ZNF101: variants seen among roughly 807,000 people sequenced by gnomAD.
ZNF101 encodes zinc finger protein 101 (Y2).
Under a neutral mutation model 42.6 loss-of-function variants are expected in ZNF101, and 34 were observed. That is an observed-to-expected ratio of 0.80 (90% CI 0.61 to 1.06). The LOEUF is 1.06. Among genes scored for constraint, ZNF101 ranks in the 50% least tolerant of loss-of-function variants. The probability of loss-of-function intolerance (pLI) is 0.00; values close to 1 mark genes in which losing one functional copy is unlikely to be tolerated. For synonymous variants in ZNF101, 158 were observed against 183.9 expected (o/e 0.86, Z 1.14); for missense variants, 466 against 530.9 (o/e 0.88, Z 1.20).
chr19:19,677,682 G>C, intron 1 of ZNF101, 182 bp from the exon 2 acceptor site: 1 of 947,788 alleles, frequency 1.1e-6, no homozygotes, highest in Non-Finnish European at 1.5e-6. Context: ...TCTCTGAGTA[G>C]GTCAGTTCTC....
chr19:19,678,773 G>A lies in ZNF101; in HGVS notation c.178G>A (p.Gly60Arg). The part of the protein sequence containing the change: ...QDIENLYQNL[G>R]IKLRSLVERL... ...CATTGAGAATCTGTACCAAAACCTG[G>A]GGATTAAGCTAAGGTAATCTCCACT... Residue 60 changes from glycine to arginine, a missense_variant, in exon 3 of 4, where the codon GGG becomes AGG. Coordinates refer to ENST00000592502, the MANE Select transcript of ZNF101 (RefSeq NM_033204.4). The A allele has an allele frequency of 6.2e-7, 1 of 1,611,778 alleles. No individual in the cohort carries two copies. The highest frequency in any genetic ancestry group is 8.5e-7 in the Non-Finnish European group (1 of 1,179,330).
chr19:19,675,568 CTGAAGTATTCTAAAGGACTT>C (rs1568437342), intron 1 of ZNF101, among the ~76,000 whole-genome samples: 1 of 152,112 alleles, frequency 6.6e-6, no homozygotes, highest in Non-Finnish European at 1.5e-5. Flanking sequence ...ATATAATTTA[CTGAAGTATTCTAAAGGACTT>C]CTGAAATTAA....
Position 19,680,069 on chromosome 19 carries a change from T to C in ZNF101, c.1080T>C (p.His360=), listed in dbSNP as rs1012805050. 1.3e-6 allele frequency: 2 copies of C among 1,523,612 alleles called. No homozygotes were observed. Among genetic ancestry groups the C allele is most frequent in the Non-Finnish European group, 1.8e-6 (2 of 1,100,886 alleles). The allele number at this position is 1,523,612 out of a possible 1,614,324, so 94.4% of individuals were successfully genotyped here. A position where few individuals can be genotyped will look rare whatever the true frequency, so the allele number is the denominator to read the frequency against. ...PSCFRRHKKT[H]SGEKPYECTR... ...GTTTTCGAAGACATAAAAAAACTCA[T>C]AGTGGAGAAAAGCCATATGAATGTA... The change falls in exon 4 of 4, where the codon CAT becomes CAC. Residue 360 remains histidine, a synonymous_variant. Coordinates refer to ENST00000592502, the MANE Select transcript of ZNF101 (RefSeq NM_033204.4).
chr19:19,677,730 T>TAG (rs138951574), intron 1 of ZNF101, 134 bp from the exon 2 acceptor site: 1 of 1,337,646 alleles, frequency 7.5e-7, no homozygotes, highest in African/African-American at 1.5e-5. Flanking sequence ...TGCGTGTAGA[T>TAG]AGGAGGAGGC....
Position 19,679,348 on chromosome 19 carries a change from A to G in ZNF101, c.359A>G (p.His120Arg). 13 of 1,614,154 alleles carry G rather than the reference A, an allele frequency of 8.1e-6. No individual in the cohort carries two copies. The highest frequency in any genetic ancestry group is 1.1e-5 in the Non-Finnish European group (13 of 1,180,040). Residue 120 changes from histidine to arginine, a missense_variant, in exon 4 of 4, where the codon CAC becomes CGC. By Grantham distance (29) the His-to-Arg change is conservative. Transcript: ENST00000592502. ...VFLRHSFLDR[H>R]MRAHAGHKRS... is the part of the protein sequence containing the mutation. ...CTCCGTCATTCATTCCTGGACAGGC[A>G]CATGAGAGCTCATGCTGGACACAAA... is the stretch of plus-strand genomic sequence containing the variant.
At chr19:19,671,086 GAC>G (rs1315821017) in intron 1 of ZNF101, among the ~76,000 whole-genome samples, 14 of 152,284 alleles carry the variant, frequency 9.2e-5, no homozygotes, top group Admixed American at 7.8e-4. Context: ...CAGCCTGCGC[GAC>G]AGAGCGAGAC....
intron 1 of ZNF101, among the ~76,000 whole-genome samples, chr19:19,671,528 C>G (rs533312462): frequency 2.4e-4 from 35 of 147,464 alleles, no homozygotes; most frequent in African/African-American, 8.8e-4. Context: ...GAGACAGAGT[C>G]TTGCTCTGTC....
In ZNF101 at chr19:19,670,043, C is replaced by T. The variant is rs2062158912; in HGVS notation, c.3+1077C>T. Among the ~76,000 whole-genome samples the T allele has an allele frequency of 5.9e-5, 9 of 152,246 alleles. No individual in the cohort carries two copies. In the South Asian group the frequency reaches 1.9e-3, roughly 32 times the overall value. ...TTGGGTCCTCAGCCCACCCTCCTAT[C>T]TTTCTGGTCCTGGGTTTCAGGACCG... On this transcript the variant is annotated intron_variant, in intron 1 of 3. Coordinates refer to ENST00000592502, the MANE Select transcript of ZNF101 (RefSeq NM_033204.4).
chr19:19,668,878 GC>G lies in ZNF101; in HGVS notation c.-82del. The G allele has an allele frequency of 6.8e-7, 1 of 1,477,832 alleles. No homozygotes were observed. 91.5% of individuals were successfully genotyped at this position (1,477,832 alleles called of 1,614,324 possible). On this transcript the variant is annotated 5_prime_UTR_variant, in exon 1 of 4. Transcript: ENST00000592502. ...TTTAGTTCCTCGGGGAGCCCCTGGT[GC>G]CCCGGATACGGCTGATTTTGTCGTG...
In ZNF101 at chr19:19,680,520, G is replaced by A. The variant is rs555866116; in HGVS notation, c.*220G>A. 552 of 282,820 alleles carry A rather than the reference G, an allele frequency of 2.0e-3. 2 individuals carry two copies. The highest frequency in any genetic ancestry group is 3.1e-3 in the Non-Finnish European group (473 of 151,582). 17.5% of individuals were successfully genotyped at this position (282,820 alleles called of 1,614,324 possible). ...TGTAATCTCAGCTACTCGGGAGGCC[G>A]AGGCAGGAGAATCGCTTGAACCTGG... On this transcript the variant is annotated 3_prime_UTR_variant, in exon 4 of 4. Transcript: ENST00000592502.
rs1490545711 is a variant in ZNF101, at chr19:19,681,746, T to TA, written c.*1453dup. On this transcript the variant is annotated 3_prime_UTR_variant, in exon 4 of 4. Coordinates refer to ENST00000592502, the MANE Select transcript of ZNF101 (RefSeq NM_033204.4). ...GCCTGGGCAACAGTGAGACCCTGTC[T>TA]AAAAAAATTAATCATGTGAGAACAT... is the stretch of plus-strand genomic sequence containing the variant. The TA allele has an allele frequency of 6.6e-6, 1 of 151,952 alleles. No homozygotes were observed. 9.4% of individuals were successfully genotyped at this position (151,952 alleles called of 1,614,324 possible).
intron 1 of ZNF101, among the ~76,000 whole-genome samples, chr19:19,674,851 C>T (rs949982558): frequency 2.6e-5 from 4 of 151,938 alleles, no homozygotes; most frequent in Non-Finnish European, 4.4e-5. Context: ...GATGGAGTCT[C>T]GTTTTGTCGC....
At chr19:19,668,453 T>TA (rs370659721), upstream of ZNF101, among the ~76,000 whole-genome samples, 5 of 152,202 alleles carry the variant, frequency 3.3e-5, no homozygotes, top group African/African-American at 1.2e-4. Context: ...AACAAACAGT[T>TA]ACTGGAAGGG....
At position 19,679,516 on chromosome 19, in the gene ZNF101, A is replaced by G. The variant is rs1319137992; in HGVS notation, c.527A>G (p.Lys176Arg). 6.2e-7 allele frequency: 1 copy of G among 1,614,068 alleles called. No homozygotes were observed. Among genetic ancestry groups the G allele is most frequent in the African/African-American group, 1.3e-5 (1 of 74,934 alleles). ...CCTTATGAATGCAAGGTGTGCGGGAAAGCCTTTAATTCTCCCAATTTATTT... is the reference window on the plus strand; with the variant it reads ...CCTTATGAATGCAAGGTGTGCGGGAGAGCCTTTAATTCTCCCAATTTATTT... The part of the protein sequence containing the change: ...KRPYECKVCG[K>R]AFNSPNLFQI... Residue 176 changes from lysine (K) to arginine (R), a missense_variant, in exon 4 of 4, where the codon AAA becomes AGA. Physicochemically the swap from Lys to Arg is conservative, Grantham distance 26 (BLOSUM62 2). Coordinates refer to ENST00000592502, the MANE Select transcript of ZNF101 (RefSeq NM_033204.4).
chr19:19,669,738 C>T (rs1238805882), intron 1 of ZNF101, among the ~76,000 whole-genome samples: 3 of 152,142 alleles, frequency 2.0e-5, no homozygotes, highest in Non-Finnish European at 4.4e-5. Context: ...CTGCCTCGGT[C>T]TCCCAAAGTG....
intron 1 of ZNF101, among the ~76,000 whole-genome samples, chr19:19,674,128 G>A (rs2062188301): frequency 6.6e-6 from 1 of 151,818 alleles, no homozygotes; most frequent in African/African-American, 2.4e-5. Context: ...TTGTGGTATT[G>A]TTTTCTTAAT....
In ZNF101 at chr19:19,680,812, C is replaced by G. The variant is rs768693419; in HGVS notation, c.*512C>G. On this transcript the variant is annotated 3_prime_UTR_variant, in exon 4 of 4. Transcript: ENST00000592502. ...GTGTGTGCCTGTAGTCCCAGCTACT[C>G]GGGAGGCTGAGGCAGGAGAATTGCT... The G allele has an allele frequency of 6.6e-6, 1 of 152,008 alleles. No individual in the cohort carries two copies. Among genetic ancestry groups the G allele is most frequent in the South Asian group, 2.1e-4 (1 of 4,816 alleles). The allele number at this position is 152,008 out of a possible 1,614,324, so 9.4% of individuals were successfully genotyped here.
chr19:19,670,921 C>A (rs1480421167), intron 1 of ZNF101, among the ~76,000 whole-genome samples: 1 of 152,130 alleles, frequency 6.6e-6, no homozygotes, highest in East Asian at 1.9e-4. Flanking sequence ...CTGGCTAACA[C>A]GGGGAAACCC....
intron 1 of ZNF101, among the ~76,000 whole-genome samples, chr19:19,671,994 G>A (rs1029351961): frequency 6.6e-6 from 1 of 151,094 alleles, no homozygotes; most frequent in East Asian, 1.9e-4. Context: ...AGGCTGAGGC[G>A]GGAGAATCGA....
Sources: allele counts gnomAD v4.1 joint callset (sites outside exome capture counted in the v4.1 genomes callset), GRCh38; gene constraint gnomAD v4.1.1; transcripts MANE v1.5; gene names NCBI Gene and HGNC (gene_info 2026-07-23, HGNC 2026-07-21).